ESRRB: variants seen among roughly 807,000 people sequenced by gnomAD.
ESRRB encodes steroid hormone receptor ERR2.
ESRRB carries 16 observed loss-of-function variants against 46.0 expected under a neutral mutation model. The observed-to-expected ratio is 0.35, with a 90% confidence interval of 0.24 to 0.53. The LOEUF is 0.53. Ranked by LOEUF, ESRRB falls within the 20% of genes least tolerant of loss-of-function variation. The probability of loss-of-function intolerance (pLI) is 0.93; values close to 1 mark genes in which losing one functional copy is unlikely to be tolerated. For synonymous variants in ESRRB, 246 were observed against 259.6 expected (o/e 0.95, Z 0.50); for missense variants, 488 against 607.4 (o/e 0.80, Z 2.07).
chr14:76,449,027 T>C (rs1888269825), intron 2 of ESRRB, among the ~76,000 whole-genome samples: 1 of 152,238 alleles, frequency 6.6e-6, no homozygotes, highest in East Asian at 1.9e-4. Flanking sequence ...TTCAGTGTGC[T>C]GCCTTCATTT....
At chr14:76,355,998 A>C (rs1177976096) in intron 1 of ESRRB, among the ~76,000 whole-genome samples, 1 of 152,144 alleles carries the variant, frequency 6.6e-6, no homozygotes, top group African/African-American at 2.4e-5. Flanking sequence ...GCTCCAGCCA[A>C]GTGGAGGTTG....
At chr14:76,459,389 G>A (rs1295332757) in intron 2 of ESRRB, among the ~76,000 whole-genome samples, 1 of 152,162 alleles carries the variant, frequency 6.6e-6, no homozygotes, top group African/African-American at 2.4e-5. Context: ...CAGGGAGAAG[G>A]AGCGCCTCCC....
At chr14:76,429,500 C>T (rs1887342634) in intron 1 of ESRRB, among the ~76,000 whole-genome samples, 1 of 152,104 alleles carries the variant, frequency 6.6e-6, no homozygotes, top group Admixed American at 6.5e-5. Context: ...CCTGTAATCC[C>T]AGCACTTTGG....
intron 1 of ESRRB, among the ~76,000 whole-genome samples, chr14:76,428,308 A>C (rs1318365709): frequency 6.6e-6 from 1 of 152,124 alleles, no homozygotes; most frequent in Non-Finnish European, 1.5e-5. Flanking sequence ...ATGAGGTAGG[A>C]TATTTATGCC....
At chr14:76,414,668 TAAAAAA>T (rs71452810) in intron 1 of ESRRB, among the ~76,000 whole-genome samples, 5,017 of 116,836 alleles carry the variant, frequency 0.043, 158 homozygotes, top group Middle Eastern at 0.14. Context: ...GTTTGTTCCT[TAAAAAA>T]AAAAAAAAAA....
At chr14:76,495,262 G>A (rs904365347) in intron 6 of ESRRB, 4 of 152,122 alleles carry the variant, frequency 2.6e-5, no homozygotes, top group African/African-American at 7.2e-5. Flanking sequence ...CTTTGCCTGA[G>A]TGCACTTTGT....
At chr14:76,330,785 G>A (rs1347859000) in intron 1 of ESRRB, among the ~76,000 whole-genome samples, 1 of 152,190 alleles carries the variant, frequency 6.6e-6, no homozygotes, top group African/African-American at 2.4e-5. Flanking sequence ...CTGGGCTTGA[G>A]GACAAAGGGA....
At chr14:76,410,654 C>T (rs1258833841) in intron 1 of ESRRB, among the ~76,000 whole-genome samples, 1 of 152,084 alleles carries the variant, frequency 6.6e-6, no homozygotes, top group African/African-American at 2.4e-5. Context: ...GGCTTTATAT[C>T]CTGGGGTCTT....
intron 1 of ESRRB, among the ~76,000 whole-genome samples, chr14:76,389,891 C>A (rs527708089): frequency 6.6e-6 from 1 of 152,196 alleles, no homozygotes; most frequent in Non-Finnish European, 1.5e-5. Context: ...TCAATTTACA[C>A]CTAATGTATG....
chr14:76,359,904 A>G (rs1317880560), intron 1 of ESRRB, among the ~76,000 whole-genome samples: 1 of 152,184 alleles, frequency 6.6e-6, no homozygotes, highest in African/African-American at 2.4e-5. Flanking sequence ...AGAAGCCCCA[A>G]AGGCTCACGT....
intron 1 of ESRRB, among the ~76,000 whole-genome samples, chr14:76,438,077 A>T (rs1456584181): frequency 6.6e-6 from 1 of 152,086 alleles, no homozygotes; most frequent in African/African-American, 2.4e-5. Flanking sequence ...CTTGGGGGAC[A>T]GGCAGGCTGG....
chr14:76,460,709 A>ATTTTTTTTTTTTTTTTTTTT lies in ESRRB; in HGVS notation c.461-1827_461-1826insTTTTTTTTTTTTTTTTTTTT, dbSNP rs58597850. ...TTCTTCATTTGTACGTTCCAGTTAC[A>ATTTTTTTTTTTTTTTTTTTT]TTTTTTTTTGAGACGGAGTTTTGCT... On this transcript the variant is annotated intron_variant, in intron 2 of 6. Transcript: ENST00000644823. Among the ~76,000 whole-genome samples, 15 of 141,552 alleles carry ATTTTTTTTTTTTTTTTTTTT rather than the reference A, an allele frequency of 1.1e-4. 1 individual carries two copies. Among genetic ancestry groups the ATTTTTTTTTTTTTTTTTTTT allele is most frequent in the African/African-American group, 1.7e-4 (6 of 34,760 alleles). 92.9% of individuals were successfully genotyped at this position (141,552 alleles called of 152,430 possible).
chr14:76,312,032 A>G (rs1217481480), intron 1 of ESRRB, among the ~76,000 whole-genome samples: 1 of 133,928 alleles, frequency 7.5e-6, no homozygotes, highest in Non-Finnish European at 1.6e-5. Context: ...AACTTTTTAA[A>G]TGTACCTTTT....
intron 2 of ESRRB, among the ~76,000 whole-genome samples, chr14:76,460,626 A>G (rs74068684): frequency 0.14 from 21,525 of 151,874 alleles, 2,463 homozygotes; most frequent in African/African-American, 0.33. Flanking sequence ...GCTGACCTCA[A>G]GCACTTTGGG....
chr14:76,466,979 CA>C (rs1315893034), intron 3 of ESRRB, among the ~76,000 whole-genome samples: 1 of 151,986 alleles, frequency 6.6e-6, no homozygotes, highest in Non-Finnish European at 1.5e-5. Flanking sequence ...CTCAGCCTCC[CA>C]AAGTGCTGGG....
chr14:76,333,867 C>T (rs1432857726), intron 1 of ESRRB, among the ~76,000 whole-genome samples: 2 of 151,994 alleles, frequency 1.3e-5, no homozygotes, highest in African/African-American at 2.4e-5. Context: ...CTGCGGCCCT[C>T]GGCTACCATG....
At chr14:76,457,720 C>G (rs952713855) in intron 2 of ESRRB, among the ~76,000 whole-genome samples, 6 of 152,178 alleles carry the variant, frequency 3.9e-5, no homozygotes, top group Non-Finnish European at 8.8e-5. Context: ...TGCTCTGTCA[C>G]CCAGGCTGGA....
chr14:76,457,968 C>T (rs1470712405), intron 2 of ESRRB, among the ~76,000 whole-genome samples: 1 of 152,162 alleles, frequency 6.6e-6, no homozygotes, highest in Non-Finnish European at 1.5e-5. Context: ...AGCCACTGCG[C>T]CTGGCCTGAA....
chr14:76,336,245 T>C lies in ESRRB; in HGVS notation c.2+25329T>C, dbSNP rs563802020. On this transcript the variant is annotated intron_variant, in intron 1 of 6. Coordinates refer to the ESRRB transcript ENST00000512784. ...CATGGAATGTCAGTGCTGAGGGTCCTTAGAAGTCCTCTCCTGCACCTCTTT... is the reference window on the plus strand; with the variant it reads ...CATGGAATGTCAGTGCTGAGGGTCCCTAGAAGTCCTCTCCTGCACCTCTTT... Among the ~76,000 whole-genome samples, 64 of 152,302 alleles carry C rather than the reference T, an allele frequency of 4.2e-4. 2 individuals are homozygous for C. In the Middle Eastern group the frequency reaches 0.041, roughly 97 times the overall value.
Sources: gnomAD v4.1 joint callset for allele counts (sites outside exome capture counted in the v4.1 genomes callset) on GRCh38, gnomAD v4.1.1 for gene constraint, MANE v1.5 for transcripts, NCBI Gene and HGNC (gene_info 2026-07-23, HGNC 2026-07-21) for gene names.